RECQL: variants seen among roughly 807,000 people sequenced by gnomAD.
The protein encoded by RECQL is ATP-dependent DNA helicase Q1.
A neutral mutation model predicts 75.8 loss-of-function variants in RECQL; 73 were observed. The observed-to-expected ratio is 0.96, with a 90% CI of 0.80 to 1.17. RECQL has a LOEUF of 1.17. Among genes scored for constraint, RECQL ranks in the 50% most tolerant of loss-of-function variants. The pLI is 0.00. For missense variants in RECQL, 699 were observed against 772.1 expected, an observed-to-expected ratio of 0.91 and a Z score of 1.12; for synonymous variants, 248 against 254.4, an observed-to-expected ratio of 0.97 and a Z score of 0.24.
intron 10 of RECQL, 146 bp downstream of exon 10, chr12:21,475,322 T>C (rs749772923): frequency 8.6e-6 from 5 of 579,416 alleles, no homozygotes; most frequent in Non-Finnish European, 1.5e-5. Flanking sequence ...TTTCTCCATA[T>C]GCAAGTAAGT....
Position 21,486,569 on chromosome 12 carries a change from A to G in RECQL, c.411T>C (p.Ile137=). 1 of 1,591,520 alleles carries G rather than the reference A, an allele frequency of 6.3e-7. No homozygotes were observed. Among genetic ancestry groups the G allele is most frequent in the Non-Finnish European group, 8.5e-7 (1 of 1,173,022 alleles). Residue 137 remains isoleucine (I), a synonymous_variant, in exon 5 of 15, where the codon ATT becomes ATC. Coordinates refer to ENST00000444129, the MANE Select transcript of RECQL (RefSeq NM_002907.4). ...CTTCCATAAGAGAGATCAATGGGCAAATGACGAGTGTAAAACCTAAAAGAG... is the reference window on the plus strand; with the variant it reads ...CTTCCATAAGAGAGATCAATGGGCAGATGACGAGTGTAAAACCTAAAAGAG... ...ALCSDGFTLV[I]CPLISLMEDQ...
Position 21,469,237 on chromosome 12 carries a change from A to G in RECQL, c.*957T>C, listed in dbSNP as rs576613389. On this transcript the variant is annotated 3_prime_UTR_variant, in exon 15 of 15. Coordinates refer to ENST00000444129, the MANE Select transcript of RECQL (RefSeq NM_002907.4). Reference sequence around the variant, plus strand: ...ACTTACTCCTTTTTTGTTGAATTGTACTTCTGGTTTTATAACCTGAAATCA... The same window carrying G: ...ACTTACTCCTTTTTTGTTGAATTGTGCTTCTGGTTTTATAACCTGAAATCA... 1 of 156,570 alleles carries G rather than the reference A, an allele frequency of 6.4e-6. No individual in the cohort carries two copies. Among genetic ancestry groups the G allele is most frequent in the African/African-American group, 2.4e-5 (1 of 41,548 alleles). The allele number at this position is 156,570 out of a possible 1,614,324, so 9.7% of individuals were successfully genotyped here.
At chr12:21,471,140 A>G (rs1372640501) in intron 13 of RECQL, 42 bp from the exon 14 acceptor site, 1 of 1,527,714 alleles carries the variant, frequency 6.5e-7, no homozygotes. Context: ...CTTTTGAAGG[A>G]ATCACGGAAA....
chr12:21,471,397 C>T (rs769937374), intron 13 of RECQL, 31 bp downstream of exon 13: 8 of 1,568,780 alleles, frequency 5.1e-6, no homozygotes, highest in Non-Finnish European at 6.9e-6. Flanking sequence ...TAAAGACAAC[C>T]TGAAAGAATA....
At position 21,470,288 on chromosome 12, in the gene RECQL, T is replaced by G; in HGVS notation, c.1856A>C (p.Asn619Thr). The G allele has an allele frequency of 6.2e-7, 1 of 1,609,304 alleles. No individual in the cohort carries two copies. Among genetic ancestry groups the G allele is most frequent in the Non-Finnish European group, 8.5e-7 (1 of 1,178,074 alleles). The change falls in exon 15 of 15, where the codon AAT becomes ACT. Residue 619 changes from asparagine to threonine, a missense_variant. Asn to Thr is a moderately conservative substitution (Grantham distance 65). Coordinates refer to ENST00000444129, the MANE Select transcript of RECQL (RefSeq NM_002907.4). ...AGCCTTCTTCTGGAAGTTGCCTGAA[T>G]TTTTTTCCTCCATCTTTTTATCACC... The part of the protein sequence containing the change: ...EQGDKKMEEK[N>T]SGNFQKKAAN...
chr12:21,470,439 C>A, intron 14 of RECQL, 93 bp from the exon 15 acceptor site: 1 of 1,349,396 alleles, frequency 7.4e-7, no homozygotes. Flanking sequence ...AATATTCTTT[C>A]TGTATCAGTT....
rs367889494 is a variant in RECQL, at chr12:21,491,539, G to A, written c.194C>T (p.Pro65Leu). The change falls in exon 3 of 15, where the codon CCT (proline) becomes CTT (leucine). Residue 65 changes from proline to leucine, a missense_variant. Physicochemically the swap from Pro to Leu is moderately conservative, Grantham distance 98. Around this residue, in one of 2 missense-constraint regions of RECQL, gnomAD observed 669 missense variants for 713.5 expected, o/e 0.94. Transcript: ENST00000444129. ...TTAACCTTCTTTATTCCAAGCGGCA[G>A]GTGAAGAATCATATTCATTGCTTGC... ...AGASNEYDSS[P>L]AAWNKEDFPW... 1.2e-6 allele frequency: 2 copies of A among 1,605,072 alleles called. No individual in the cohort carries two copies. The highest frequency in any genetic ancestry group is 1.7e-5 in the Admixed American group (1 of 58,406).
chr12:21,475,386 C>T lies in RECQL; in HGVS notation c.1216+82G>A, dbSNP rs10841831. 409,226 of 848,098 alleles carry T rather than the reference C, an allele frequency of 0.48. 99,214 individuals carry two copies. Among genetic ancestry groups the T allele is most frequent in the East Asian group, 0.56 (22,527 of 40,392 alleles). The allele number at this position is 848,098 out of a possible 1,614,324, so 52.5% of individuals were successfully genotyped here. ...AAAATACTATCCAATAAAGATAAAACATACAGACTTATTAAGCATTTATCA... is the reference window on the plus strand; with the variant it reads ...AAAATACTATCCAATAAAGATAAAATATACAGACTTATTAAGCATTTATCA... On this transcript the variant is annotated intron_variant, in intron 10 of 14. Transcript: ENST00000444129.
chr12:21,481,695 A>G (rs994810282), intron 6 of RECQL, among the ~76,000 whole-genome samples: 2 of 152,208 alleles, frequency 1.3e-5, no homozygotes, highest in Non-Finnish European at 2.9e-5. Context: ...TCGGGCTACA[A>G]GCTCACTATC....
chr12:21,499,655 A>C (rs1011906075), intron 1 of RECQL, 40 bp from the exon 2 acceptor site: 19 of 1,063,540 alleles, frequency 1.8e-5, no homozygotes, highest in African/African-American at 8.0e-5. Flanking sequence ...AGTTTTTAAA[A>C]ATAGTACTAT....
At chr12:21,488,649 C>T (rs2215731) in intron 4 of RECQL, among the ~76,000 whole-genome samples, 149,721 of 152,316 alleles carry the variant, frequency 0.98, 73,646 homozygotes, top group East Asian at 1. Flanking sequence ...AACCTCACCA[C>T]TTGTCCAAGC....
intron 12 of RECQL, among the ~76,000 whole-genome samples, 165 bp downstream of exon 12, chr12:21,473,386 T>A (rs1943020762): frequency 6.6e-6 from 1 of 152,130 alleles, no homozygotes; most frequent in Admixed American, 6.6e-5. Flanking sequence ...ATCAATAGGC[T>A]ATAACATATC....
intron 2 of RECQL, among the ~76,000 whole-genome samples, chr12:21,497,109 T>C (rs1943522873): frequency 6.6e-6 from 1 of 152,196 alleles, no homozygotes; most frequent in African/African-American, 2.4e-5. Context: ...CTATGTGACC[T>C]GTGCTGCCTA....
Position 21,473,658 on chromosome 12 carries a change from A to C in RECQL, c.1356-16T>G. The C allele has an allele frequency of 5.6e-6, 9 of 1,603,286 alleles. No individual in the cohort carries two copies. Among genetic ancestry groups the C allele is most frequent in the Non-Finnish European group, 7.7e-6 (9 of 1,171,528 alleles). On this transcript the variant is annotated splice_polypyrimidine_tract_variant and intron_variant, in intron 11 of 14. Transcript: ENST00000444129. ...ACGACGACATCTGCAAACACATTTA[A>C]AGATACAAATTATTAAAGGATATAA...
rs1943380238 is a variant in RECQL at position 21,490,113 on chromosome 12, T to A, written c.394+86A>T. 7.5e-6 allele frequency: 5 copies of A among 666,438 alleles called. No homozygotes were observed. The South Asian group carries it at 1.4e-4, about 19-fold the overall frequency. 41.3% of individuals were successfully genotyped at this position (666,438 alleles called of 1,614,324 possible). ...AATGCACTTGATTTTTATATATGTA[T>A]GATTATAAATTATTTTTTAAAAGAA... On this transcript the variant is annotated intron_variant, in intron 4 of 14. Transcript: ENST00000444129.
chr12:21,483,661 T>TCCAAAGCAA (rs1236798977), intron 5 of RECQL, 87 bp from the exon 6 acceptor site: 3 of 945,662 alleles, frequency 3.2e-6, no homozygotes, highest in Non-Finnish European at 4.7e-6. Flanking sequence ...CGTTCATTTC[T>TCCAAAGCAA]CCAAAGCAAT....
At chr12:21,492,449 A>G (rs914559082) in intron 2 of RECQL, among the ~76,000 whole-genome samples, 1 of 152,228 alleles carries the variant, frequency 6.6e-6, no homozygotes, top group Non-Finnish European at 1.5e-5. Context: ...TGCCTGCATT[A>G]ATCAGTATAC....
chr12:21,501,475 T>A lies in RECQL; in HGVS notation c.-351A>T. ...AGCCTCTCCCCACCGAGAAGCCCGGTCTAACTCTCCGGTGTTTGACTGTCC... is the reference window on the plus strand; with the variant it reads ...AGCCTCTCCCCACCGAGAAGCCCGGACTAACTCTCCGGTGTTTGACTGTCC... On this transcript the variant is annotated 5_prime_UTR_variant, in exon 1 of 15. Transcript: ENST00000444129. 1 of 163,660 alleles carries A rather than the reference T, an allele frequency of 6.1e-6. No homozygotes were observed. 10.1% of individuals were successfully genotyped at this position (163,660 alleles called of 1,614,324 possible).
At chr12:21,480,254 G>A (rs1199238069) in intron 6 of RECQL, among the ~76,000 whole-genome samples, 5 of 152,122 alleles carry the variant, frequency 3.3e-5, no homozygotes, top group Admixed American at 3.3e-4. Flanking sequence ...GGGTAGTTTA[G>A]GTAGGGAAGT....
Sources: allele counts gnomAD v4.1 joint callset (sites outside exome capture counted in the v4.1 genomes callset), GRCh38; gene constraint gnomAD v4.1.1; regional missense constraint gnomAD v4.1.1; transcripts MANE v1.5; gene names NCBI Gene and HGNC (gene_info 2026-07-23, HGNC 2026-07-21).